LARGE1: variants seen among roughly 807,000 people sequenced by gnomAD.
The protein encoded by LARGE1 is xylosyl- and glucuronyltransferase LARGE1.
Under a neutral mutation model 87.6 loss-of-function variants are expected in LARGE1, and 43 were observed. The observed-to-expected ratio is 0.49, with a 90% CI of 0.38 to 0.63. LARGE1 has a LOEUF of 0.63. Among genes scored for constraint, LARGE1 ranks in the 30% least tolerant of loss-of-function variants. The pLI is 0.00. For missense variants in LARGE1, 802 were observed against 1,000.2 expected, an observed-to-expected ratio of 0.80 and a Z score of 2.67; for synonymous variants, 434 against 394.6, an observed-to-expected ratio of 1.10 and a Z score of -1.18.
At chr22:33,275,755 A>C (rs1929144053) in intron 14 of LARGE1, among the ~76,000 whole-genome samples, 1 of 152,248 alleles carries the variant, frequency 6.6e-6, no homozygotes, top group African/African-American at 2.4e-5. Context: ...GAATTCTGTC[A>C]AAACTGTCCA....
intron 12 of LARGE1, among the ~76,000 whole-genome samples, chr22:33,303,549 G>C (rs1934448213): frequency 6.6e-6 from 1 of 152,158 alleles, no homozygotes; most frequent in Non-Finnish European, 1.5e-5. Flanking sequence ...AAAAGACTGG[G>C]CAATAATCTT....
Position 33,339,154 on chromosome 22 carries a change from T to TAA in LARGE1, c.1132-1355_1132-1354dup, listed in dbSNP as rs1182760420. 9.3e-3 allele frequency among the ~76,000 whole-genome samples: 923 copies of TAA among 98,986 alleles called. 12 individuals carry two copies. The highest frequency in any genetic ancestry group is 0.024 in the African/African-American group (700 of 29,386). The allele number at this position is 98,986 out of a possible 152,430, so 64.9% of individuals were successfully genotyped here. On this transcript the variant is annotated intron_variant, in intron 9 of 14. Coordinates refer to ENST00000397394, the MANE Select transcript of LARGE1 (RefSeq NM_133642.5). Reference sequence around the variant, plus strand: ...CAAAGCGAGACTCCGTCTCAAAAAATAAAAAAAAAAAAAAAAAAAGAAGAA... The same window carrying TAA: ...CAAAGCGAGACTCCGTCTCAAAAAATAAAAAAAAAAAAAAAAAAAAAGAAGAA...
chr22:33,498,468 C>T (rs1050260874), intron 6 of LARGE1, among the ~76,000 whole-genome samples: 3 of 152,100 alleles, frequency 2.0e-5, no homozygotes, highest in African/African-American at 4.8e-5. Context: ...ATTAACGATG[C>T]TGCTATTGTT....
At chr22:33,890,533 A>G (rs1242831463) in intron 1 of LARGE1, among the ~76,000 whole-genome samples, 1 of 152,216 alleles carries the variant, frequency 6.6e-6, no homozygotes, top group Non-Finnish European at 1.5e-5. Context: ...AAAACTCTGC[A>G]ACAGAACTTC....
At chr22:33,455,630 C>T (rs576465560) in intron 6 of LARGE1, among the ~76,000 whole-genome samples, 9 of 151,538 alleles carry the variant, frequency 5.9e-5, no homozygotes, top group Admixed American at 5.9e-4. Context: ...GGTGTGTGCC[C>T]GTAATTCCAG....
chr22:33,245,066 G>A lies in LARGE1; in HGVS notation c.1730+59163C>T, dbSNP rs139794325. Among the ~76,000 whole-genome samples the A allele has an allele frequency of 6.4e-4, 98 of 152,314 alleles. 2 individuals are homozygous for A. The East Asian group carries it at 0.018, about 28-fold the overall frequency. ...AAACCAGCCATTTAGTCCATCCCTG[G>A]AGAACTGAGGGTCCTGGGAATTTAA... On this transcript the variant is annotated intron_variant, in intron 11 of 11. Coordinates refer to the LARGE1 transcript ENST00000608642.
At chr22:33,088,750 G>T in the LARGE1 span, among the ~76,000 whole-genome samples, 1 of 152,146 alleles carries the variant, frequency 6.6e-6, no homozygotes, top group Non-Finnish European at 1.5e-5. Flanking sequence ...AGAGCCTAGG[G>T]TTTTGAATCC....
At chr22:33,252,045 C>G (rs1927031491) in intron 11 of LARGE1, among the ~76,000 whole-genome samples, 1 of 152,180 alleles carries the variant, frequency 6.6e-6, no homozygotes, top group African/African-American at 2.4e-5. Flanking sequence ...TAAGTTTGTC[C>G]TGACCTTTTG....
chr22:33,072,015 A>C, the LARGE1 span, among the ~76,000 whole-genome samples: 1 of 152,008 alleles, frequency 6.6e-6, no homozygotes. Context: ...CAGGTCCTTT[A>C]TAGCCCAAAC....
intron 2 of LARGE1, among the ~76,000 whole-genome samples, chr22:33,660,880 T>A (rs2081102459): frequency 6.6e-6 from 1 of 152,232 alleles, no homozygotes; most frequent in Non-Finnish European, 1.5e-5. Flanking sequence ...TTTTAAAACC[T>A]TTGCAATAAA....
At chr22:33,776,163 G>A (rs961416693) in intron 1 of LARGE1, among the ~76,000 whole-genome samples, 2 of 152,212 alleles carry the variant, frequency 1.3e-5, no homozygotes, top group South Asian at 2.1e-4. Context: ...GCTTGGGGAA[G>A]TGAAGTGCAC....
At chr22:33,661,173 T>A (rs1197809795) in intron 2 of LARGE1, among the ~76,000 whole-genome samples, 2 of 152,052 alleles carry the variant, frequency 1.3e-5, no homozygotes. Flanking sequence ...AGCCTCAAAC[T>A]GTCATTCTGG....
At chr22:33,409,174 T>C (rs2066216271) in intron 7 of LARGE1, among the ~76,000 whole-genome samples, 1 of 152,102 alleles carries the variant, frequency 6.6e-6, no homozygotes, top group Admixed American at 6.5e-5. Flanking sequence ...TCTGATCTGC[T>C]GTGGTGAAAT....
intron 6 of LARGE1, among the ~76,000 whole-genome samples, chr22:33,534,275 G>C (rs948180080): frequency 2.0e-5 from 3 of 152,082 alleles, no homozygotes; most frequent in African/African-American, 7.2e-5. Flanking sequence ...GTGGTGGTGG[G>C]CACCTGTAGT....
intron 6 of LARGE1, among the ~76,000 whole-genome samples, chr22:33,457,464 T>C (rs1601925704): frequency 6.6e-6 from 1 of 152,028 alleles, no homozygotes; most frequent in East Asian, 1.9e-4. Context: ...GCCTAATTTG[T>C]ATTTCTTAAT....
At chr22:33,751,403 C>T (rs1300668587) in intron 2 of LARGE1, among the ~76,000 whole-genome samples, 1 of 151,870 alleles carries the variant, frequency 6.6e-6, no homozygotes, top group Non-Finnish European at 1.5e-5. Context: ...ATCGCTTGAA[C>T]CTGGGGATGG....
chr22:33,124,360 G>GGAAGGAAGGAAA, the LARGE1 span, among the ~76,000 whole-genome samples: 2 of 91,010 alleles, frequency 2.2e-5, no homozygotes, highest in Admixed American at 2.2e-4. Context: ...AAGGAAAGAA[G>GGAAGGAAGGAAA]GAAGGAAGGA....
intron 6 of LARGE1, among the ~76,000 whole-genome samples, chr22:33,461,611 C>G (rs1353925908): frequency 6.7e-6 from 1 of 149,708 alleles, no homozygotes; most frequent in African/African-American, 2.5e-5. Context: ...ATGTAACAAA[C>G]CTGCATGTTG....
chr22:33,568,350 C>A (rs1300688073), intron 5 of LARGE1, among the ~76,000 whole-genome samples: 1 of 152,196 alleles, frequency 6.6e-6, no homozygotes, highest in Non-Finnish European at 1.5e-5. Context: ...ATGCTTTATG[C>A]ATCAGCCTCA....
Sources: gnomAD v4.1 joint callset for allele counts (sites outside exome capture counted in the v4.1 genomes callset) on GRCh38, gnomAD v4.1.1 for gene constraint, MANE v1.5 for transcripts, NCBI Gene and HGNC (gene_info 2026-07-23, HGNC 2026-07-21) for gene names.